SAMD5: variants seen among roughly 807,000 people sequenced by gnomAD.
SAMD5 encodes the protein sterile alpha motif domain containing 5, also known as sterile alpha motif domain-containing protein 5.
SAMD5 carries 13 observed loss-of-function variants against 11.3 expected under a neutral mutation model. The ratio of observed to expected loss-of-function variants is 1.15; its 90% CI spans 0.75 to 1.83. The LOEUF (loss-of-function observed/expected upper bound fraction) is 1.83, where lower values mean the gene tolerates loss of function less well. Ranked by LOEUF, SAMD5 falls within the 40% of genes most tolerant of loss-of-function variation. SAMD5 has a pLI of 0.00. For missense variants in SAMD5, 255 were observed against 239.1 expected (o/e 1.07, Z -0.44); for synonymous variants, 129 against 111.3 (o/e 1.16, Z -1.00).
chr6:147,881,090 T>C, the SAMD5 span, among the ~76,000 whole-genome samples: 1 of 152,162 alleles, frequency 6.6e-6, no homozygotes. Context: ...AGCACCCTCT[T>C]CCATATGGAT....
chr6:147,786,671 A>G, the SAMD5 span, among the ~76,000 whole-genome samples: 2 of 152,214 alleles, frequency 1.3e-5, no homozygotes, highest in African/African-American at 4.8e-5. Context: ...TATGGTTGAC[A>G]TGGTTTCATT....
chr6:147,824,457 TG>T, the SAMD5 span, among the ~76,000 whole-genome samples: 1 of 152,122 alleles, frequency 6.6e-6, no homozygotes, highest in East Asian at 1.9e-4. Context: ...AACTAGGAAT[TG>T]GTTAATTGCA....
chr6:147,722,991 AT>A (rs144968608), intron 1 of SAMD5, among the ~76,000 whole-genome samples: 4,040 of 152,176 alleles, frequency 0.027, 173 homozygotes, highest in African/African-American at 0.092. Context: ...GCTGAAGGCT[AT>A]TTCCTAGTGT....
the SAMD5 span, among the ~76,000 whole-genome samples, chr6:147,771,802 G>T: frequency 1.3e-5 from 2 of 152,130 alleles, no homozygotes; most frequent in Non-Finnish European, 2.9e-5. Context: ...TGCAAACATT[G>T]TTGGAGTTTT....
the SAMD5 span, among the ~76,000 whole-genome samples, chr6:147,753,536 A>G: frequency 6.6e-6 from 1 of 152,134 alleles, no homozygotes; most frequent in Non-Finnish European, 1.5e-5. Context: ...CCGTCCCCTC[A>G]AGTATTTATC....
chr6:147,522,436 T>C (rs1406340811), intron 1 of SAMD5, among the ~76,000 whole-genome samples: 3 of 152,190 alleles, frequency 2.0e-5, no homozygotes, highest in Non-Finnish European at 4.4e-5. Flanking sequence ...GAAACATCTT[T>C]TAGGCAACTT....
chr6:147,599,214 G>A (rs1411873494), intron 1 of SAMD5, among the ~76,000 whole-genome samples: 1 of 152,184 alleles, frequency 6.6e-6, no homozygotes, highest in Non-Finnish European at 1.5e-5. Context: ...TTGAGAAGTG[G>A]ATAAGAAGGA....
the SAMD5 span, among the ~76,000 whole-genome samples, chr6:147,887,576 T>C: frequency 1.3e-5 from 2 of 152,204 alleles, no homozygotes; most frequent in East Asian, 3.8e-4. Flanking sequence ...GTCTTTCACC[T>C]GTTGATGGAC....
intron 1 of SAMD5, among the ~76,000 whole-genome samples, chr6:147,542,618 G>C (rs1003908614): frequency 3.9e-4 from 59 of 152,212 alleles, no homozygotes; most frequent in African/African-American, 1.4e-3. Flanking sequence ...TTCCTGGGTG[G>C]GGGCCGCAAG....
chr6:147,540,239 G>A (rs577702321), intron 1 of SAMD5, among the ~76,000 whole-genome samples: 2 of 152,114 alleles, frequency 1.3e-5, no homozygotes, highest in East Asian at 1.9e-4. Context: ...GAATCATTCC[G>A]GAAGCCAAGA....
chr6:147,772,296 G>A, the SAMD5 span, among the ~76,000 whole-genome samples: 1 of 152,108 alleles, frequency 6.6e-6, no homozygotes, highest in South Asian at 2.1e-4. Flanking sequence ...TTAGAAGTCA[G>A]CTGGACAAAT....
chr6:147,896,764 C>CAAACAAAAAAAAT, the SAMD5 span, among the ~76,000 whole-genome samples: 32 of 69,374 alleles, frequency 4.6e-4, 3 homozygotes, highest in South Asian at 0.016. Context: ...AAAAAAAAAA[C>CAAACAAAAAAAAT]GCATCACCAG....
At chr6:147,888,885 CAAAA>C in the SAMD5 span, among the ~76,000 whole-genome samples, 3 of 134,746 alleles carry the variant, frequency 2.2e-5, no homozygotes, top group Admixed American at 7.3e-5. Flanking sequence ...AACTCCATCT[CAAAA>C]AAAAAAAAAA....
intron 1 of SAMD5, among the ~76,000 whole-genome samples, chr6:147,663,329 G>A (rs1182102181): frequency 6.6e-6 from 1 of 152,166 alleles, no homozygotes; most frequent in Non-Finnish European, 1.5e-5. Flanking sequence ...AGGGGGAAAG[G>A]TGGGAGGAGG....
intron 1 of SAMD5, among the ~76,000 whole-genome samples, chr6:147,647,485 G>T (rs1251450672): frequency 6.6e-6 from 1 of 152,148 alleles, no homozygotes. Context: ...AGTTTCAGGT[G>T]CCAGTGGGAC....
downstream of SAMD5, among the ~76,000 whole-genome samples, chr6:147,740,420 A>G (rs1308361854): frequency 6.6e-6 from 1 of 152,220 alleles, no homozygotes; most frequent in Non-Finnish European, 1.5e-5. Context: ...TTGATCTCCC[A>G]CTACATTTCT....
At chr6:147,734,870 A>C (rs1359715191) in intron 1 of SAMD5, among the ~76,000 whole-genome samples, 2 of 152,124 alleles carry the variant, frequency 1.3e-5, no homozygotes, top group Non-Finnish European at 2.9e-5. Context: ...AAGGTAAGGC[A>C]CCTAGGCTGG....
intron 1 of SAMD5, among the ~76,000 whole-genome samples, chr6:147,562,854 G>A (rs1788976190): frequency 1.3e-5 from 2 of 151,844 alleles, no homozygotes; most frequent in South Asian, 4.1e-4. Flanking sequence ...AAAACCCAAA[G>A]TGTTACCTTG....
intron 1 of SAMD5, among the ~76,000 whole-genome samples, chr6:147,543,780 T>C (rs552696698): frequency 3.3e-5 from 5 of 152,236 alleles, no homozygotes; most frequent in African/African-American, 4.8e-5. Flanking sequence ...GGGTTCGGAA[T>C]AGGGAAAATG....
Sources: allele counts gnomAD v4.1 joint callset (sites outside exome capture counted in the v4.1 genomes callset), GRCh38; gene constraint gnomAD v4.1.1; transcripts MANE v1.5; gene names NCBI Gene and HGNC (gene_info 2026-07-23, HGNC 2026-07-21).